Variants in TBK1 observed in about 807,000 individuals in gnomAD.
TBK1 encodes the protein TANK binding kinase 1.
In TBK1, 37 loss-of-function variants were observed where a neutral mutation model predicts 99.9. The observed-to-expected ratio is 0.37, with a 90% CI of 0.28 to 0.49. The LOEUF is 0.49. Among genes scored for constraint, TBK1 ranks in the 20% least tolerant of loss-of-function variants. The pLI, the probability that TBK1 is intolerant of heterozygous loss-of-function variation, is 0.98. For missense variants in TBK1, 644 were observed against 872.5 expected (o/e 0.74, Z 3.30); for synonymous variants, 258 against 279.8 (o/e 0.92, Z 0.78).
intron 1 of TBK1, among the ~76,000 whole-genome samples, chr12:64,455,241 C>T (rs1027875419): frequency 6.6e-6 from 1 of 152,050 alleles, no homozygotes; most frequent in Non-Finnish European, 1.5e-5. Context: ...CTGCCTCGGC[C>T]TCCAAAAGTG....
In TBK1 at chr12:64,465,843, G is replaced by A. The variant is rs1377060525; in HGVS notation, c.359-1058G>A. On this transcript the variant is annotated intron_variant, in intron 4 of 20. Coordinates refer to ENST00000331710, the MANE Select transcript of TBK1 (RefSeq NM_013254.4). ...AAAGTATTCTGAAATCAGTGGTGAT[G>A]GTTGTATAACTCTGTGACCATACTA... 3.3e-5 allele frequency among the ~76,000 whole-genome samples: 5 copies of A among 152,110 alleles called. 1 individual carries two copies. The highest frequency in any genetic ancestry group is 7.4e-5 in the Non-Finnish European group (5 of 68,026).
intron 3 of TBK1, among the ~76,000 whole-genome samples, chr12:64,462,024 A>G (rs1341660105): frequency 6.6e-6 from 1 of 152,186 alleles, no homozygotes; most frequent in Non-Finnish European, 1.5e-5. Flanking sequence ...TTTGGTGTCC[A>G]GGGTTTTTAC....
At chr12:64,465,841 A>G (rs1042498752) in intron 4 of TBK1, among the ~76,000 whole-genome samples, 1 of 152,200 alleles carries the variant, frequency 6.6e-6, no homozygotes, top group Non-Finnish European at 1.5e-5. Context: ...ATCAGTGGTG[A>G]TGGTTGTATA....
chr12:64,492,396 T>G (rs113844935), intron 13 of TBK1, among the ~76,000 whole-genome samples: 11,302 of 152,226 alleles, frequency 0.074, 485 homozygotes, highest in South Asian at 0.16. Context: ...AGCCTCCGCC[T>G]CCTGGGTTCA....
intron 5 of TBK1, among the ~76,000 whole-genome samples, chr12:64,470,198 C>G (rs1438534120): frequency 6.6e-6 from 1 of 152,080 alleles, no homozygotes; most frequent in East Asian, 1.9e-4. Context: ...GACCAATACC[C>G]CCTTGTTATA....
rs2136058255 is a variant in TBK1 at position 64,461,926 on chromosome 12, C to T, written c.228+1597C>T. Reference sequence around the variant, plus strand: ...TGGGAGGGTTCCAATCTTGAAGCTTCTTTGTCCTGAGGGACACATTACTCT... The same window carrying T: ...TGGGAGGGTTCCAATCTTGAAGCTTTTTTGTCCTGAGGGACACATTACTCT... On this transcript the variant is annotated intron_variant, in intron 3 of 20. Transcript: ENST00000331710. 1.3e-5 allele frequency among the ~76,000 whole-genome samples: 2 copies of T among 152,336 alleles called. 1 individual carries two copies. Among genetic ancestry groups the T allele is most frequent in the South Asian group, 4.1e-4 (2 of 4,834 alleles).
At chr12:64,493,115 C>T (rs1168644254) in intron 13 of TBK1, among the ~76,000 whole-genome samples, 1 of 151,678 alleles carries the variant, frequency 6.6e-6, no homozygotes, top group East Asian at 1.9e-4. Context: ...AGGATGGTCT[C>T]AATCTCCTGA....
At chr12:64,476,601 T>C (rs1390359814) in intron 6 of TBK1, among the ~76,000 whole-genome samples, 2 of 152,236 alleles carry the variant, frequency 1.3e-5, no homozygotes, top group Non-Finnish European at 2.9e-5. Context: ...TACAAATAAT[T>C]TCTCCCATTC....
chr12:64,499,063 C>T (rs1466888985), intron 20 of TBK1, among the ~76,000 whole-genome samples: 2 of 132,680 alleles, frequency 1.5e-5, no homozygotes, highest in Non-Finnish European at 3.1e-5. Context: ...TTTTTTCCCC[C>T]GAGACGGAGT....
chr12:64,476,038 T>C (rs977586416), intron 6 of TBK1, among the ~76,000 whole-genome samples: 8 of 152,102 alleles, frequency 5.3e-5, no homozygotes, highest in Non-Finnish European at 8.8e-5. Flanking sequence ...CTTTTTTTTA[T>C]TTTTTTATAG....
At chr12:64,497,466 TTC>T (rs1342887618) in intron 18 of TBK1, among the ~76,000 whole-genome samples, 180 bp from the exon 19 acceptor site, 1 of 152,116 alleles carries the variant, frequency 6.6e-6, no homozygotes, top group African/African-American at 2.4e-5. Flanking sequence ...TATGAAAAGT[TTC>T]TTTCTTAAAA....
chr12:64,494,149 CGA>C (rs2040900794), intron 13 of TBK1, among the ~76,000 whole-genome samples: 1 of 151,682 alleles, frequency 6.6e-6, no homozygotes, highest in Admixed American at 6.6e-5. Context: ...GCATAAAAAC[CGA>C]GATATATATT....
Position 64,495,724 on chromosome 12 carries a change from A to C in TBK1, c.1669A>C (p.Asn557His), listed in dbSNP as rs2040918913. 1 of 1,607,796 alleles carries C rather than the reference A, an allele frequency of 6.2e-7. No individual in the cohort carries two copies. The highest frequency in any genetic ancestry group is 8.5e-7 in the Non-Finnish European group (1 of 1,178,030). The stretch of plus-strand genomic sequence containing the variant: ...TGTAGAAAAACTACAAGTCCTGTTA[A>C]ATTGCATGACAGAGATTTACTATCA... ...RNVEKLQVLL[N>H]CMTEIYYQFK... Residue 557 changes from asparagine (N) to histidine (H), a missense_variant, in exon 15 of 21, where the codon AAT becomes CAT. Asn to His is a moderately conservative substitution (Grantham distance 68). Transcript: ENST00000331710.
In TBK1 at chr12:64,474,380, A is replaced by G; in HGVS notation, c.691A>G (p.Lys231Glu). The stretch of plus-strand genomic sequence containing the variant: ...ACCCTTTGAAGGGCCTCGTAGGAAT[A>G]AAGAAGTGATGTAAGTGGTTTCCCG... ...FRPFEGPRRN[K>E]EVMYKIITGK... The change falls in exon 6 of 21, where the codon AAA becomes GAA. Residue 231 changes from lysine to glutamate, a missense_variant. Around this residue, in one of 3 missense-constraint regions of TBK1, gnomAD observed 31 missense variants for 82.4 expected, o/e 0.38. Coordinates refer to ENST00000331710, the MANE Select transcript of TBK1 (RefSeq NM_013254.4). 1 of 1,610,714 alleles carries G rather than the reference A, an allele frequency of 6.2e-7. No individual in the cohort carries two copies. Among genetic ancestry groups the G allele is most frequent in the Non-Finnish European group, 8.5e-7 (1 of 1,179,036 alleles).
intron 4 of TBK1, among the ~76,000 whole-genome samples, chr12:64,465,958 CA>C (rs1477364047): frequency 6.6e-6 from 1 of 151,946 alleles, no homozygotes; most frequent in Non-Finnish European, 1.5e-5. Context: ...ATACTGCAAT[CA>C]AAGGAAATAA....
intron 13 of TBK1, among the ~76,000 whole-genome samples, chr12:64,491,883 T>C (rs893435212): frequency 3.3e-5 from 5 of 152,178 alleles, no homozygotes; most frequent in Non-Finnish European, 4.4e-5. Flanking sequence ...TGGAACAGAA[T>C]AGAAAATGTC....
intron 20 of TBK1, among the ~76,000 whole-genome samples, chr12:64,500,017 A>G (rs1307957597): frequency 6.6e-6 from 1 of 152,088 alleles, no homozygotes; most frequent in Admixed American, 6.5e-5. Context: ...TTTAACTTTT[A>G]TATTTAACTA....
intron 4 of TBK1, among the ~76,000 whole-genome samples, chr12:64,465,259 A>AAC (rs1555202831): frequency 6.6e-6 from 1 of 151,066 alleles, no homozygotes; most frequent in Non-Finnish European, 1.5e-5. Context: ...AAAAAAAAAA[A>AAC]AAAAACAAGT....
At position 64,465,116 on chromosome 12, in the gene TBK1, A is replaced by G. The variant is rs564065336; in HGVS notation, c.358+653A>G. Among the ~76,000 whole-genome samples, 5 of 28,896 alleles carry G rather than the reference A, an allele frequency of 1.7e-4. No homozygotes were observed. In the South Asian group the frequency reaches 3.1e-3, roughly 18 times the overall value. The allele number at this position is 28,896 out of a possible 152,430, so 19.0% of individuals were successfully genotyped here. On this transcript the variant is annotated intron_variant, in intron 4 of 20. Transcript: ENST00000331710. ...ATAAAAAATAGCCAAGCATGGTGGC[A>G]TGCACTTGTAGACAGCTACTCAGGA...
Sources: gnomAD v4.1 joint callset for allele counts (sites outside exome capture counted in the v4.1 genomes callset) on GRCh38, gnomAD v4.1.1 for gene constraint, gnomAD v4.1.1 regional missense constraint, MANE v1.5 for transcripts, NCBI Gene and HGNC (gene_info 2026-07-23, HGNC 2026-07-21) for gene names.